The following NRG3 variants were observed in gnomAD, a reference collection of about 807,000 sequenced individuals.
NRG3 encodes the protein neuregulin 3, also known as pro-neuregulin-3, membrane-bound isoform.
A neutral mutation model predicts 66.9 loss-of-function variants in NRG3; 31 were observed. The observed-to-expected ratio is 0.46, with a 90% CI of 0.35 to 0.63. The LOEUF (loss-of-function observed/expected upper bound fraction) is 0.63. Among genes scored for constraint, NRG3 ranks in the 20% least tolerant of loss-of-function variants. NRG3 has a pLI of 0.00. For synonymous variants in NRG3, 393 were observed against 359.4 expected (o/e 1.09, Z -1.06); for missense variants, 910 against 878.9 (o/e 1.04, Z -0.45).
intron 1 of NRG3, among the ~76,000 whole-genome samples, chr10:81,903,789 G>A (rs1350155070): frequency 1.3e-5 from 2 of 152,044 alleles, no homozygotes; most frequent in East Asian, 3.9e-4. Flanking sequence ...CAACTGTTTT[G>A]TGTTTTCCAT....
intron 1 of NRG3, among the ~76,000 whole-genome samples, chr10:81,967,165 C>G (rs2059763496): frequency 6.6e-6 from 1 of 151,608 alleles, no homozygotes; most frequent in Non-Finnish European, 1.5e-5. Flanking sequence ...TATAAATTTT[C>G]CTTTGAATAC....
chr10:82,130,098 C>A (rs571893046), intron 1 of NRG3, among the ~76,000 whole-genome samples: 1 of 152,094 alleles, frequency 6.6e-6, no homozygotes, highest in South Asian at 2.1e-4. Context: ...TGAGAACATG[C>A]AAAGTTTGTC....
chr10:81,894,531 A>G (rs1564637887), intron 1 of NRG3, among the ~76,000 whole-genome samples: 1 of 152,036 alleles, frequency 6.6e-6, no homozygotes, highest in Non-Finnish European at 1.5e-5. Flanking sequence ...ACCACCAAAT[A>G]CAGTCACCTT....
At chr10:82,471,167 G>A (rs1239186592) in intron 2 of NRG3, among the ~76,000 whole-genome samples, 4 of 152,128 alleles carry the variant, frequency 2.6e-5, no homozygotes, top group African/African-American at 9.7e-5. Flanking sequence ...TGGATGAAAA[G>A]GGGAAAAAGG....
intron 1 of NRG3, among the ~76,000 whole-genome samples, chr10:82,244,015 G>T (rs1347910707): frequency 1.3e-5 from 2 of 152,142 alleles, no homozygotes; most frequent in Non-Finnish European, 2.9e-5. Context: ...AGTTCAAGGA[G>T]ATTAATAGTC....
chr10:82,290,448 A>T (rs2079659767), intron 1 of NRG3, among the ~76,000 whole-genome samples: 1 of 152,192 alleles, frequency 6.6e-6, no homozygotes, highest in Non-Finnish European at 1.5e-5. Context: ...ACACTGAAAC[A>T]ATGAACTAAC....
intron 4 of NRG3, among the ~76,000 whole-genome samples, chr10:82,910,629 T>G (rs1026582918): frequency 1.8e-4 from 28 of 152,242 alleles, no homozygotes; most frequent in Non-Finnish European, 1.9e-4. Flanking sequence ...TAGAAGATTT[T>G]TTTATTCCTT....
chr10:82,703,703 A>C (rs978234929), intron 2 of NRG3, among the ~76,000 whole-genome samples: 1 of 152,144 alleles, frequency 6.6e-6, no homozygotes, highest in East Asian at 1.9e-4. Flanking sequence ...TTCCTGGGCT[A>C]AGGCATTTGG....
intron 1 of NRG3, among the ~76,000 whole-genome samples, chr10:82,122,210 T>C (rs77587799): frequency 0.019 from 2,902 of 152,296 alleles, 32 homozygotes; most frequent in Non-Finnish European, 0.027. Flanking sequence ...GATTTTTTAA[T>C]TATAAAACCT....
intron 2 of NRG3, among the ~76,000 whole-genome samples, chr10:82,625,798 T>C (rs1431322795): frequency 6.6e-6 from 1 of 152,178 alleles, no homozygotes; most frequent in Non-Finnish European, 1.5e-5. Context: ...GGTCACAATA[T>C]GTGTAAGTGG....
chr10:82,458,444 T>C (rs1702711246), intron 2 of NRG3, among the ~76,000 whole-genome samples: 1 of 152,164 alleles, frequency 6.6e-6, no homozygotes, highest in African/African-American at 2.4e-5. Flanking sequence ...CACATCTGTC[T>C]ATAGGGAATT....
At chr10:82,956,709 A>T (rs1850084747) in intron 5 of NRG3, among the ~76,000 whole-genome samples, 1 of 151,862 alleles carries the variant, frequency 6.6e-6, no homozygotes, top group Non-Finnish European at 1.5e-5. Flanking sequence ...ATGCACTCTT[A>T]CTTTTTCAGG....
At chr10:81,877,658 A>G in intron 1 of NRG3, 2 of 1,248,000 alleles carry the variant, frequency 1.6e-6, no homozygotes, top group East Asian at 3.8e-5. Flanking sequence ...TTGCTTTGGA[A>G]AAAACCGTCT....
chr10:81,957,503 T>C (rs1386781740), intron 1 of NRG3, among the ~76,000 whole-genome samples: 1 of 152,246 alleles, frequency 6.6e-6, no homozygotes, highest in Non-Finnish European at 1.5e-5. Flanking sequence ...ATTTCCTTCA[T>C]ATACTTATCA....
chr10:82,895,476 C>A (rs959308741), intron 4 of NRG3, among the ~76,000 whole-genome samples: 3 of 142,272 alleles, frequency 2.1e-5, no homozygotes, highest in Non-Finnish European at 3.0e-5. Context: ...CAATCCAGCA[C>A]AATAACATTC....
At chr10:82,040,168 G>A (rs2062967306) in intron 1 of NRG3, among the ~76,000 whole-genome samples, 1 of 151,946 alleles carries the variant, frequency 6.6e-6, no homozygotes, top group Non-Finnish European at 1.5e-5. Context: ...ACATTTTGAA[G>A]GAAACTTAAG....
At chr10:82,113,947 G>C (rs538049556) in intron 1 of NRG3, among the ~76,000 whole-genome samples, 5 of 152,206 alleles carry the variant, frequency 3.3e-5, no homozygotes, top group Admixed American at 3.3e-4. Flanking sequence ...ATAGAAACAT[G>C]TATGCTTTCT....
chr10:82,773,348 A>G (rs747262583), intron 3 of NRG3, among the ~76,000 whole-genome samples: 16 of 152,184 alleles, frequency 1.1e-4, no homozygotes, highest in Non-Finnish European at 2.2e-4. Flanking sequence ...AATGAAAATG[A>G]GGCCAAAATG....
intron 1 of NRG3, chr10:82,232,810 C>A (rs1316423123): frequency 2.8e-6 from 2 of 717,218 alleles, no homozygotes; most frequent in Non-Finnish European, 5.2e-6. Flanking sequence ...GAGGCAGAAA[C>A]AGGAGCAAGG....
Sources: allele counts gnomAD v4.1 joint callset (sites outside exome capture counted in the v4.1 genomes callset), GRCh38; gene constraint gnomAD v4.1.1; transcripts MANE v1.5; gene names NCBI Gene and HGNC (gene_info 2026-07-23, HGNC 2026-07-21).